The following LRTM3 variants were observed in gnomAD, a reference collection of about 807,000 sequenced individuals.
LRTM3 encodes leucine rich repeat transmembrane protein 3, also known as leucine-rich repeat transmembrane protein 3.
At chr13:102,732,498 A>G in the LRTM3 span, 1 of 1,551,164 alleles carries the variant, frequency 6.4e-7, no homozygotes, top group Non-Finnish European at 8.7e-7. Context: ...GGAACATATG[A>G]ATAAAATGAA....
the LRTM3 span, chr13:102,732,999 T>C: frequency 1.3e-6 from 2 of 1,551,476 alleles, no homozygotes; most frequent in Non-Finnish European, 1.7e-6. Context: ...GCCTGCTTCC[T>C]TCCCCCTTTT....
chr13:102,739,734 T>C, the LRTM3 span: 52 of 1,549,554 alleles, frequency 3.4e-5, 5 homozygotes, highest in Middle Eastern at 8.4e-4. Flanking sequence ...ATGTGTTGTT[T>C]TGTACTTTTA....
the LRTM3 span, chr13:102,732,220 A>T: frequency 6.4e-7 from 1 of 1,551,362 alleles, no homozygotes. Flanking sequence ...GGTTTGTCTT[A>T]GGGTCAGTGT....
At chr13:102,738,934 G>C in the LRTM3 span, 1 of 1,550,576 alleles carries the variant, frequency 6.4e-7, no homozygotes. Flanking sequence ...TTTCCACTCT[G>C]TCTTTGTCTT....
At chr13:102,750,551 C>T in the LRTM3 span, among the ~76,000 whole-genome samples, 1 of 152,108 alleles carries the variant, frequency 6.6e-6, no homozygotes, top group Non-Finnish European at 1.5e-5. Flanking sequence ...TTACCTAGTT[C>T]TTCTCACTTA....
chr13:102,741,247 AT>A, the LRTM3 span: 1 of 1,550,234 alleles, frequency 6.5e-7, no homozygotes, highest in South Asian at 1.2e-5. Context: ...TTCCCCAAAG[AT>A]TTTCATTGAA....
the LRTM3 span, chr13:102,731,738 G>A: frequency 1.0e-5 from 16 of 1,551,110 alleles, no homozygotes; most frequent in African/African-American, 5.5e-5. Flanking sequence ...AACTTGAGGC[G>A]GTATGGGCAC....
the LRTM3 span, chr13:102,733,732 G>A: frequency 6.4e-7 from 1 of 1,551,306 alleles, no homozygotes; most frequent in South Asian, 1.2e-5. Flanking sequence ...CATCCCGTGA[G>A]TTTAAAACTA....
chr13:102,744,469 T>C, the LRTM3 span: 1 of 1,550,762 alleles, frequency 6.4e-7, no homozygotes, highest in East Asian at 2.4e-5. Context: ...ATGAAGTCTT[T>C]AGACCTTCCA....
chr13:102,731,708 A>G, the LRTM3 span: 1 of 1,551,384 alleles, frequency 6.4e-7, no homozygotes, highest in Non-Finnish European at 8.7e-7. Context: ...GTCTGCAACT[A>G]TTTTGACTTC....
chr13:102,732,633 T>C, the LRTM3 span: 2 of 1,551,152 alleles, frequency 1.3e-6, no homozygotes, highest in East Asian at 2.4e-5. Flanking sequence ...ATGACTTGAG[T>C]CTTCATTTGA....
the LRTM3 span, chr13:102,733,170 C>T: frequency 5.2e-6 from 8 of 1,551,350 alleles, no homozygotes; most frequent in Non-Finnish European, 2.6e-6. Context: ...GTCTTGTGCC[C>T]ATGTTCACAC....
At chr13:102,747,650 A>G in the LRTM3 span, 2 of 1,551,156 alleles carry the variant, frequency 1.3e-6, no homozygotes, top group African/African-American at 2.7e-5. Context: ...TTCAATTAAA[A>G]GTTCACCAAC....
the LRTM3 span, among the ~76,000 whole-genome samples, chr13:102,757,436 T>C: frequency 6.6e-6 from 1 of 152,194 alleles, no homozygotes; most frequent in Non-Finnish European, 1.5e-5. Context: ...GGTTATTATC[T>C]ACAGAATTGA....
chr13:102,750,509 G>C, the LRTM3 span: 1 of 596,140 alleles, frequency 1.7e-6, no homozygotes, highest in South Asian at 2.8e-5. Flanking sequence ...AGATAAATTG[G>C]AAAATCATTA....
the LRTM3 span, chr13:102,744,523 G>A: frequency 4.5e-6 from 7 of 1,550,280 alleles, no homozygotes; most frequent in African/African-American, 1.4e-5. Context: ...GTTTCATCAT[G>A]TATCCAGAAA....
the LRTM3 span, chr13:102,740,926 A>G: frequency 6.5e-7 from 1 of 1,549,982 alleles, no homozygotes; most frequent in Non-Finnish European, 8.7e-7. Flanking sequence ...TTTCTTGTGG[A>G]TGTTCTTTTC....
At chr13:102,750,891 G>A in the LRTM3 span, among the ~76,000 whole-genome samples, 788 of 152,196 alleles carry the variant, frequency 5.2e-3, 16 homozygotes, top group African/African-American at 0.018. Context: ...ATTTTGGGCC[G>A]GAGTACTGAT....
At chr13:102,748,507 T>G in the LRTM3 span, 1 of 1,550,996 alleles carries the variant, frequency 6.4e-7, no homozygotes, top group Non-Finnish European at 8.7e-7. Context: ...CCTCTCCATT[T>G]GAAAGTTGAA....
Sources: allele counts gnomAD v4.1 joint callset (sites outside exome capture counted in the v4.1 genomes callset), GRCh38; gene constraint gnomAD v4.1.1; transcripts MANE v1.5; gene names NCBI Gene and HGNC (gene_info 2026-07-23, HGNC 2026-07-21).